Variants in FBXL7 observed in about 807,000 individuals in gnomAD.
FBXL7 encodes F-box and leucine rich repeat protein 7, also known as F-box/LRR-repeat protein 7.
Under a neutral mutation model 38.3 loss-of-function variants are expected in FBXL7, and 12 were observed. That is an observed-to-expected ratio of 0.31 (90% CI 0.20 to 0.51). The LOEUF (loss-of-function observed/expected upper bound fraction) is 0.51, where lower values mean the gene tolerates loss of function less well. Among genes scored for constraint, FBXL7 ranks in the 20% least tolerant of loss-of-function variants. FBXL7 has a pLI of 0.98. For synonymous variants in FBXL7, 297 were observed against 300.9 expected, an observed-to-expected ratio of 0.99 and a Z score of 0.13; for missense variants, 567 against 676.4, an observed-to-expected ratio of 0.84 and a Z score of 1.79.
At chr5:15,636,524 C>T (rs1741192423) in intron 2 of FBXL7, among the ~76,000 whole-genome samples, 1 of 152,156 alleles carries the variant, frequency 6.6e-6, no homozygotes, top group Admixed American at 6.5e-5. Flanking sequence ...GCAGGGCCTC[C>T]TAGTCACAGT....
chr5:15,702,925 G>T (rs1743573669), intron 2 of FBXL7, among the ~76,000 whole-genome samples: 1 of 152,134 alleles, frequency 6.6e-6, no homozygotes, highest in African/African-American at 2.4e-5. Context: ...TTGTTCTCTG[G>T]CGGGCAGGAG....
At chr5:15,592,378 T>TAAA (rs1291690743) in intron 1 of FBXL7, among the ~76,000 whole-genome samples, 1 of 152,168 alleles carries the variant, frequency 6.6e-6, no homozygotes, top group East Asian at 1.9e-4. Context: ...ATGGGCAATT[T>TAAA]AAGTTCCTGC....
chr5:15,770,539 G>A (rs1425229901), intron 2 of FBXL7, among the ~76,000 whole-genome samples: 1 of 152,082 alleles, frequency 6.6e-6, no homozygotes, highest in Non-Finnish European at 1.5e-5. Context: ...CAGTGGCGAG[G>A]CAATAAACGA....
intron 2 of FBXL7, among the ~76,000 whole-genome samples, chr5:15,769,907 A>C (rs1292865695): frequency 6.6e-6 from 1 of 152,244 alleles, no homozygotes; most frequent in African/African-American, 2.4e-5. Context: ...CGATTGTGCT[A>C]CCTTTGAAAC....
intron 1 of FBXL7, among the ~76,000 whole-genome samples, chr5:15,540,410 T>A (rs1737708476): frequency 6.6e-6 from 1 of 152,144 alleles, no homozygotes; most frequent in African/African-American, 2.4e-5. Flanking sequence ...ACAACCCAAT[T>A]TCATATCTCA....
intron 2 of FBXL7, among the ~76,000 whole-genome samples, chr5:15,637,125 A>G (rs1451640489): frequency 6.6e-6 from 1 of 152,204 alleles, no homozygotes; most frequent in African/African-American, 2.4e-5. Flanking sequence ...TCATGGTTTT[A>G]TCTGTCAGAA....
In FBXL7 at chr5:15,936,545, A is replaced by G. The variant is rs758718434; in HGVS notation, c.835A>G (p.Met279Val). ...GKQISIRYLD[M>V]TDCFVLEDEG... ...ACAGATTTCCATCCGCTACCTGGACATGACGGACTGCTTCGTGCTGGAGGA... is the reference window on the plus strand; with the variant it reads ...ACAGATTTCCATCCGCTACCTGGACGTGACGGACTGCTTCGTGCTGGAGGA... The change falls in exon 4 of 4, where the codon ATG becomes GTG. Residue 279 changes from methionine (M) to valine (V), a missense_variant. Physicochemically the swap from Met to Val is conservative, Grantham distance 21. Transcript: ENST00000504595. This position sits in a 1 kb window ranked among gnomAD's most constrained non-coding sequence, Gnocchi z 6.0. 3 of 1,613,562 alleles carry G rather than the reference A, an allele frequency of 1.9e-6. No individual in the cohort carries two copies. The highest frequency in any genetic ancestry group is 2.5e-6 in the Non-Finnish European group (3 of 1,179,894).
intron 2 of FBXL7, among the ~76,000 whole-genome samples, chr5:15,810,092 G>A (rs918141374): frequency 6.6e-6 from 1 of 152,064 alleles, no homozygotes; most frequent in Non-Finnish European, 1.5e-5. Flanking sequence ...AATAAAATCA[G>A]ACAACAATGA....
chr5:15,895,448 T>C lies in FBXL7; in HGVS notation c.128-32442T>C, dbSNP rs138484189. Among the ~76,000 whole-genome samples the C allele has an allele frequency of 3.3e-5, 5 of 152,222 alleles. No homozygotes were observed. The East Asian group carries it at 9.7e-4, about 29-fold the overall frequency. On this transcript the variant is annotated intron_variant, in intron 2 of 3. Coordinates refer to ENST00000504595, the MANE Select transcript of FBXL7 (RefSeq NM_012304.5). ...CTCATAGAAAGCCTTAAAAGTCCTT[T>C]AAAGTTTTCCAGAGAAGAATATGAG...
chr5:15,527,460 A>C (rs898121031), intron 1 of FBXL7, among the ~76,000 whole-genome samples: 2 of 152,212 alleles, frequency 1.3e-5, no homozygotes, highest in African/African-American at 2.4e-5. Context: ...GATGATTTTT[A>C]AATTCAGTTC....
rs73058242 is a variant in FBXL7 at position 15,831,051 on chromosome 5, C to T, written c.128-96839C>T. On this transcript the variant is annotated intron_variant, in intron 2 of 3. Transcript: ENST00000504595. ...ATGTGAAACCCAATGGCGTCCTTAT[C>T]ATCCATGCCTTTGATGAAAATACAG... Among the ~76,000 whole-genome samples, 764 of 152,340 alleles carry T rather than the reference C, an allele frequency of 5.0e-3. 8 individuals carry two copies. Among genetic ancestry groups the T allele is most frequent in the African/African-American group, 0.017 (722 of 41,576 alleles).
At chr5:15,789,921 C>T (rs1737230563) in intron 2 of FBXL7, among the ~76,000 whole-genome samples, 1 of 152,174 alleles carries the variant, frequency 6.6e-6, no homozygotes, top group South Asian at 2.1e-4. Context: ...TGTGACCTGC[C>T]TGGGTGAATT....
chr5:15,812,809 A>AGTTT lies in FBXL7; in HGVS notation c.128-115079_128-115078insTTGT, dbSNP rs369042712. Among the ~76,000 whole-genome samples, 758 of 152,146 alleles carry AGTTT rather than the reference A, an allele frequency of 5.0e-3. 6 individuals carry two copies. Among genetic ancestry groups the AGTTT allele is most frequent in the African/African-American group, 0.017 (720 of 41,514 alleles). On this transcript the variant is annotated intron_variant, in intron 2 of 3. Transcript: ENST00000504595. The stretch of plus-strand genomic sequence containing the variant: ...GTTTGTGTTCTCTCTTATTTCCTTG[A>AGTTT]GTAGTGGTTTGTAGTTCTCCTTGAA...
intron 2 of FBXL7, among the ~76,000 whole-genome samples, chr5:15,881,201 C>T (rs1480771074): frequency 1.3e-5 from 2 of 152,074 alleles, no homozygotes; most frequent in Non-Finnish European, 2.9e-5. Context: ...CTCAAGTCTC[C>T]AAAGTTCATT....
At chr5:15,778,741 G>A (rs59800782) in intron 2 of FBXL7, among the ~76,000 whole-genome samples, 9,180 of 152,108 alleles carry the variant, frequency 0.06, 283 homozygotes, top group East Asian at 0.1. Flanking sequence ...GGTAGTTGCC[G>A]ATGCTCCCGC....
chr5:15,507,631 A>T lies in FBXL7; in HGVS notation c.37+6918A>T, dbSNP rs557099362. Among the ~76,000 whole-genome samples, 4 of 152,346 alleles carry T rather than the reference A, an allele frequency of 2.6e-5. No homozygotes were observed. In the East Asian group the frequency reaches 7.7e-4, roughly 29 times the overall value. ...GGGATGTAATAAAATATGTGACAGCATCTGGAATAAAATCTAGAGTGAATA... is the reference window on the plus strand; with the variant it reads ...GGGATGTAATAAAATATGTGACAGCTTCTGGAATAAAATCTAGAGTGAATA... On this transcript the variant is annotated intron_variant, in intron 1 of 3. Transcript: ENST00000504595.
At chr5:15,537,920 A>G (rs1737633208) in intron 1 of FBXL7, among the ~76,000 whole-genome samples, 1 of 152,184 alleles carries the variant, frequency 6.6e-6, no homozygotes, top group African/African-American at 2.4e-5. Flanking sequence ...AGCTAGAGAA[A>G]AGGGCCTCAT....
chr5:15,730,951 C>T lies in FBXL7; in HGVS notation c.127+114879C>T, dbSNP rs141324542. Among the ~76,000 whole-genome samples the T allele has an allele frequency of 7.9e-3, 1,207 of 152,248 alleles. 9 individuals are homozygous for T. The highest frequency in any genetic ancestry group is 0.01 in the Non-Finnish European group (710 of 68,028). ...ATAAAACAGAGATTGAAACTCCATG[C>T]CTATCATGAAGATGTTAACAGGTGT... On this transcript the variant is annotated intron_variant, in intron 2 of 3. Coordinates refer to ENST00000504595, the MANE Select transcript of FBXL7 (RefSeq NM_012304.5).
intron 2 of FBXL7, among the ~76,000 whole-genome samples, chr5:15,824,337 G>A (rs1738251713): frequency 6.7e-6 from 1 of 150,374 alleles, no homozygotes; most frequent in Non-Finnish European, 1.5e-5. Context: ...CATTTTCACT[G>A]GCAGTTTCCC....
Sources: gnomAD v4.1 joint callset for allele counts (sites outside exome capture counted in the v4.1 genomes callset) on GRCh38, gnomAD v4.1.1 for gene constraint, Gnocchi (gnomAD v3.1) non-coding constraint, MANE v1.5 for transcripts, NCBI Gene and HGNC (gene_info 2026-07-23, HGNC 2026-07-21) for gene names.